Variants in OSTN observed in about 807,000 individuals in gnomAD.
OSTN encodes the protein osteocrin.
In OSTN, 9 loss-of-function variants were observed where a neutral mutation model predicts 12.0. The ratio of observed to expected loss-of-function variants is 0.75; its 90% CI spans 0.45 to 1.30. The LOEUF is 1.30. Among genes scored for constraint, OSTN ranks in the 50% most tolerant of loss-of-function variants. OSTN has a pLI of 0.00. For missense variants in OSTN, 148 were observed against 152.3 expected, an observed-to-expected ratio of 0.97 and a Z score of 0.15; for synonymous variants, 59 against 56.9, an observed-to-expected ratio of 1.04 and a Z score of -0.16.
chr3:191,236,305 A>C (rs1284128095), intron 3 of OSTN, among the ~76,000 whole-genome samples: 1 of 152,190 alleles, frequency 6.6e-6, no homozygotes, highest in East Asian at 1.9e-4. Context: ...AAAAATCTCT[A>C]TCACACACTA....
At chr3:191,207,235 A>G (rs986956458) in intron 1 of OSTN, among the ~76,000 whole-genome samples, 4 of 152,238 alleles carry the variant, frequency 2.6e-5, no homozygotes, top group African/African-American at 9.6e-5. Context: ...TCAAGGTATT[A>G]GGGTAAATAA....
At chr3:191,252,625 T>G (rs929076936) in intron 4 of OSTN, among the ~76,000 whole-genome samples, 9 of 152,236 alleles carry the variant, frequency 5.9e-5, no homozygotes, top group African/African-American at 4.8e-5. Context: ...CATCAGTCAT[T>G]GTGGGTTCAC....
At chr3:191,221,917 CACT>C (rs1714775729) in intron 3 of OSTN, among the ~76,000 whole-genome samples, 1 of 151,966 alleles carries the variant, frequency 6.6e-6, no homozygotes, top group Non-Finnish European at 1.5e-5. Flanking sequence ...CAGGAACCTG[CACT>C]TGGTAACCTG....
rs79310588 is a variant in OSTN, at chr3:191,259,779, T to C, written c.*13-3087T>C. Among the ~76,000 whole-genome samples, 111 of 151,950 alleles carry C rather than the reference T, an allele frequency of 7.3e-4. 3 individuals carry two copies. The East Asian group carries it at 0.019, about 26-fold the overall frequency. ...CTCTTACAAAGGATTTTAAATGTTT[T>C]AGGTCAAATTTTTGCCCTTTAATTT... On this transcript the variant is annotated intron_variant, in intron 4 of 4. Transcript: ENST00000682035.
intron 3 of OSTN, among the ~76,000 whole-genome samples, chr3:191,231,348 A>T (rs1715048223): frequency 6.6e-6 from 1 of 151,014 alleles, no homozygotes; most frequent in African/African-American, 2.4e-5. Context: ...CATTAAAAAA[A>T]TCACACATAT....
intron 3 of OSTN, among the ~76,000 whole-genome samples, chr3:191,233,487 A>G (rs1441484617): frequency 1.3e-5 from 2 of 151,958 alleles, no homozygotes; most frequent in Non-Finnish European, 2.9e-5. Flanking sequence ...CCCAAGCTGG[A>G]GTGCAGTGGC....
At chr3:191,236,634 T>C (rs1231436638) in intron 3 of OSTN, among the ~76,000 whole-genome samples, 1 of 152,128 alleles carries the variant, frequency 6.6e-6, no homozygotes. Flanking sequence ...ACTACTGTCT[T>C]CCACAATAAT....
At chr3:191,253,096 T>C (rs1049968195) in intron 4 of OSTN, among the ~76,000 whole-genome samples, 2 of 152,216 alleles carry the variant, frequency 1.3e-5, no homozygotes, top group Admixed American at 6.5e-5. Context: ...AAAGGCCTTC[T>C]TGGTGCTAAG....
intron 3 of OSTN, among the ~76,000 whole-genome samples, chr3:191,243,210 G>A (rs374670311): frequency 5.3e-5 from 8 of 152,098 alleles, no homozygotes; most frequent in Non-Finnish European, 1.0e-4. Flanking sequence ...TCTTGAGTTC[G>A]TAAATTTGTA....
intron 1 of OSTN, among the ~76,000 whole-genome samples, chr3:191,212,083 G>A (rs1459870121): frequency 6.6e-6 from 1 of 152,142 alleles, no homozygotes; most frequent in Non-Finnish European, 1.5e-5. Flanking sequence ...GATGGTGGGT[G>A]TTTTGAAATT....
intron 3 of OSTN, among the ~76,000 whole-genome samples, chr3:191,219,271 G>A (rs912455879): frequency 6.6e-6 from 1 of 152,204 alleles, no homozygotes; most frequent in Non-Finnish European, 1.5e-5. Flanking sequence ...TGTATGCTCA[G>A]TGGCATAAAT....
chr3:191,243,842 A>T (rs1310136084), intron 3 of OSTN, among the ~76,000 whole-genome samples: 1 of 152,254 alleles, frequency 6.6e-6, no homozygotes, highest in East Asian at 1.9e-4. Flanking sequence ...TACATTGTTC[A>T]TCGTACTCAA....
chr3:191,223,999 GA>G (rs909734785), intron 3 of OSTN, among the ~76,000 whole-genome samples: 6 of 149,320 alleles, frequency 4.0e-5, no homozygotes, highest in African/African-American at 1.2e-4. Flanking sequence ...AACGATACCA[GA>G]AAAAAAAATA....
chr3:191,244,738 G>A (rs1457682641), intron 3 of OSTN, among the ~76,000 whole-genome samples: 1 of 150,248 alleles, frequency 6.7e-6, no homozygotes, highest in Admixed American at 6.6e-5. Context: ...TTCTGATTAT[G>A]TGCTTTATGA....
chr3:191,208,324 C>G (rs1357034930), intron 1 of OSTN, among the ~76,000 whole-genome samples: 1 of 152,126 alleles, frequency 6.6e-6, no homozygotes, highest in Non-Finnish European at 1.5e-5. Flanking sequence ...TTCCTTTCCT[C>G]CCTATAATTT....
chr3:191,242,587 G>A (rs955147616), intron 3 of OSTN, among the ~76,000 whole-genome samples: 1 of 152,010 alleles, frequency 6.6e-6, no homozygotes, highest in Non-Finnish European at 1.5e-5. Context: ...TTGTGACGGG[G>A]TCTCTTTATA....
chr3:191,255,759 T>C (rs997013501), intron 4 of OSTN, among the ~76,000 whole-genome samples: 5 of 152,098 alleles, frequency 3.3e-5, no homozygotes, highest in Non-Finnish European at 7.4e-5. Flanking sequence ...ATCAGCAATG[T>C]TCAAACAAAA....
chr3:191,224,981 C>A (rs1714873688), intron 3 of OSTN, among the ~76,000 whole-genome samples: 1 of 151,678 alleles, frequency 6.6e-6, no homozygotes, highest in Non-Finnish European at 1.5e-5. Context: ...TAAAAATTAA[C>A]AATGATGAAA....
At chr3:191,260,535 T>C (rs796755103) in intron 4 of OSTN, among the ~76,000 whole-genome samples, 3 of 152,228 alleles carry the variant, frequency 2.0e-5, no homozygotes, top group African/African-American at 2.4e-5. Context: ...CCTCCTGGGA[T>C]TGGACTTTCC....
Sources: allele counts gnomAD v4.1 joint callset (sites outside exome capture counted in the v4.1 genomes callset), GRCh38; gene constraint gnomAD v4.1.1; transcripts MANE v1.5; gene names NCBI Gene and HGNC (gene_info 2026-07-23, HGNC 2026-07-21).